Variants in ITSN2 observed in about 807,000 individuals in gnomAD.
ITSN2 encodes the protein intersectin 2, also known as intersectin-2.
A neutral mutation model predicts 243.7 loss-of-function variants in ITSN2; 156 were observed. The observed-to-expected ratio is 0.64, with a 90% CI of 0.56 to 0.73. The LOEUF (loss-of-function observed/expected upper bound fraction) is 0.73. ITSN2 is among the 30% of genes least tolerant of loss of function. The probability of loss-of-function intolerance (pLI) is 0.00; values close to 1 mark genes in which losing one functional copy is unlikely to be tolerated. For synonymous variants in ITSN2, 703 were observed against 699.9 expected (o/e 1.00, Z -0.07); for missense variants, 1,801 against 1,996.1 (o/e 0.90, Z 1.86).
At chr2:24,209,260 G>T (rs760829412) in intron 35 of ITSN2, 39 bp from the exon 36 acceptor site, 2 of 1,606,932 alleles carry the variant, frequency 1.2e-6, no homozygotes, top group Non-Finnish European at 1.7e-6. Flanking sequence ...TGTGAGATGG[G>T]CTAGAACACT....
chr2:24,303,709 A>C, intron 9 of ITSN2, 90 bp downstream of exon 9: 1 of 890,352 alleles, frequency 1.1e-6, no homozygotes, highest in South Asian at 1.4e-5. Context: ...ACTTTTACAG[A>C]AACAGTATCT....
chr2:24,300,023 TTC>T lies in ITSN2; in HGVS notation c.1228_1229del (p.Glu410IlefsTer11), dbSNP rs759435815. The T allele has an allele frequency of 1.2e-6, 2 of 1,614,120 alleles. No individual in the cohort carries two copies. The highest frequency in any genetic ancestry group is 1.3e-5 in the African/African-American group (1 of 74,946). On this transcript the variant is annotated frameshift_variant, in exon 12 of 40. Transcript: ENST00000355123. LOFTEE classifies it high-confidence loss of function. ...EKEEWERKQR[E>X]LQEQEWKKQL... The stretch of plus-strand genomic sequence containing the variant: ...GTTTCTTCCATTCTTGTTCTTGTAA[TTC>T]TCTCTGTTTTCGTTCCCACTCTTCC...
intron 24 of ITSN2, 52 bp from the exon 25 acceptor site, chr2:24,252,563 G>A: frequency 2.9e-6 from 4 of 1,366,958 alleles, no homozygotes; most frequent in Non-Finnish European, 4.0e-6. Context: ...GATTACAGAA[G>A]TGAAAAAGAA....
chr2:24,279,887 C>A (rs1479109703), intron 17 of ITSN2, among the ~76,000 whole-genome samples: 1 of 151,784 alleles, frequency 6.6e-6, no homozygotes, highest in African/African-American at 2.4e-5. Context: ...CGTCTGCCAC[C>A]ATGCCCGGCT....
intron 1 of ITSN2, among the ~76,000 whole-genome samples, chr2:24,347,414 C>T (rs1384977982): frequency 6.6e-6 from 1 of 152,030 alleles, no homozygotes; most frequent in Non-Finnish European, 1.5e-5. Flanking sequence ...AGGCCAGGCA[C>T]TGGGGCTCAC....
chr2:24,333,439 G>A (rs1686005914), intron 1 of ITSN2, among the ~76,000 whole-genome samples: 1 of 152,208 alleles, frequency 6.6e-6, no homozygotes, highest in African/African-American at 2.4e-5. Flanking sequence ...TCAGGCAAGT[G>A]CAACTGAAGT....
At chr2:24,354,357 T>C (rs145253498) in intron 1 of ITSN2, among the ~76,000 whole-genome samples, 1 of 152,350 alleles carries the variant, frequency 6.6e-6, no homozygotes, top group East Asian at 1.9e-4. Context: ...TCAGCCTTCT[T>C]ATATAGATTA....
At chr2:24,214,239 G>A (rs555480117) in intron 32 of ITSN2, 4 of 152,324 alleles carry the variant, frequency 2.6e-5, no homozygotes, top group African/African-American at 4.8e-5. Flanking sequence ...ATTTGTAAAT[G>A]ATAGTGGGTT....
At chr2:24,292,605 T>C (rs557015123) in intron 15 of ITSN2, among the ~76,000 whole-genome samples, 1 of 152,322 alleles carries the variant, frequency 6.6e-6, no homozygotes, top group East Asian at 1.9e-4. Context: ...CCCAGCTTCT[T>C]TCCTTCCTTT....
chr2:24,307,834 C>G (rs951219555), intron 8 of ITSN2, among the ~76,000 whole-genome samples: 32 of 152,162 alleles, frequency 2.1e-4, no homozygotes, highest in African/African-American at 6.8e-4. Context: ...CCATCAAATG[C>G]CCCCACGTTC....
intron 1 of ITSN2, among the ~76,000 whole-genome samples, chr2:24,354,704 A>G (rs1047347460): frequency 3.3e-5 from 5 of 152,256 alleles, no homozygotes; most frequent in African/African-American, 1.2e-4. Context: ...CTGTACTCTT[A>G]TCCTCTATGG....
intron 3 of ITSN2, among the ~76,000 whole-genome samples, chr2:24,314,185 A>G (rs1010762190): frequency 2.0e-5 from 3 of 152,204 alleles, no homozygotes; most frequent in Non-Finnish European, 4.4e-5. Flanking sequence ...GGAAACAGAA[A>G]GATAGATGCC....
chr2:24,216,217 C>T lies in ITSN2; in HGVS notation c.3822G>A (p.Arg1274=), dbSNP rs1178617320. The T allele has an allele frequency of 6.2e-7, 1 of 1,603,242 alleles. No individual in the cohort carries two copies. The highest frequency in any genetic ancestry group is 1.3e-5 in the African/African-American group (1 of 74,368). Residue 1274 remains arginine (R), a synonymous_variant, in exon 32 of 40, where the codon CGG becomes CGA. Transcript: ENST00000355123. ...NTKLLKALRV[R]KKTGGEKMPV... ...GCATCTTCTCGCCCCCGGTCTTCTT[C>T]CGCACCCGCAAAGCCCTGCCAAGAA...
Position 24,304,622 on chromosome 2 carries a change from G to T in ITSN2, c.794-760C>A, listed in dbSNP as rs559128958. On this transcript the variant is annotated intron_variant, in intron 8 of 39. Coordinates refer to ENST00000355123, the MANE Select transcript of ITSN2 (RefSeq NM_006277.3). ...TTTGAGGAGGTCTTTGTGTTAAAAG[G>T]AAGATTCTTCTAAATAAGAGAGATG... Among the ~76,000 whole-genome samples the T allele has an allele frequency of 3.9e-5, 6 of 152,166 alleles. No individual in the cohort carries two copies. The East Asian group carries it at 9.6e-4, about 24-fold the overall frequency.
intron 17 of ITSN2, among the ~76,000 whole-genome samples, chr2:24,280,535 G>C (rs906709372): frequency 1.3e-5 from 2 of 152,036 alleles, no homozygotes; most frequent in Non-Finnish European, 2.9e-5. Context: ...CTCTTCCCTC[G>C]TCACTTTCTT....
At chr2:24,215,967 T>G (rs1669918039) in intron 32 of ITSN2, 82 bp downstream of exon 32, 1 of 1,038,010 alleles carries the variant, frequency 9.6e-7, no homozygotes, top group South Asian at 2.1e-5. Context: ...TCTCCATTGC[T>G]GGGATTCCCT....
intron 1 of ITSN2, among the ~76,000 whole-genome samples, chr2:24,333,456 C>G (rs923950336): frequency 6.6e-6 from 1 of 152,210 alleles, no homozygotes; most frequent in African/African-American, 2.4e-5. Context: ...AAGTCAGCAT[C>G]CAACAAACAC....
chr2:24,282,280 C>T (rs1678883385), intron 17 of ITSN2, among the ~76,000 whole-genome samples: 1 of 152,172 alleles, frequency 6.6e-6, no homozygotes, highest in Non-Finnish European at 1.5e-5. Flanking sequence ...TCAACAGGCA[C>T]CAGCAGGCCA....
intron 17 of ITSN2, among the ~76,000 whole-genome samples, chr2:24,280,172 A>T (rs1678583422): frequency 6.6e-6 from 1 of 152,246 alleles, no homozygotes; most frequent in Non-Finnish European, 1.5e-5. Context: ...CCAGTAAAAC[A>T]TAACATTCTA....
Sources: gnomAD v4.1 joint callset for allele counts (sites outside exome capture counted in the v4.1 genomes callset) on GRCh38, gnomAD v4.1.1 for gene constraint, MANE v1.5 for transcripts, NCBI Gene and HGNC (gene_info 2026-07-23, HGNC 2026-07-21) for gene names.